Variants in SLC12A2 observed in about 807,000 individuals in gnomAD.
The protein encoded by SLC12A2 is solute carrier family 12 member 2, also known as Na-K-2Cl cotransporter 1.
SLC12A2 carries 67 observed loss-of-function variants against 136.3 expected under a neutral mutation model. The ratio of observed to expected loss-of-function variants is 0.49; its 90% CI spans 0.40 to 0.60. The LOEUF (loss-of-function observed/expected upper bound fraction) is 0.60. Ranked by LOEUF, SLC12A2 falls within the 20% of genes least tolerant of loss-of-function variation. The probability of loss-of-function intolerance (pLI) is 0.00; values close to 1 mark genes in which losing one functional copy is unlikely to be tolerated. For synonymous variants in SLC12A2, 619 were observed against 562.9 expected (o/e 1.10, Z -1.41); for missense variants, 1,322 against 1,534.7 (o/e 0.86, Z 2.32).
intron 1 of SLC12A2, among the ~76,000 whole-genome samples, chr5:128,085,650 T>A (rs1760074876): frequency 6.6e-6 from 1 of 152,248 alleles, no homozygotes; most frequent in African/African-American, 2.4e-5. Context: ...AAGTGTGTAA[T>A]GACTACATTG....
chr5:128,182,180 T>A (rs1229409450), intron 23 of SLC12A2, among the ~76,000 whole-genome samples: 1 of 152,162 alleles, frequency 6.6e-6, no homozygotes, highest in Non-Finnish European at 1.5e-5. Context: ...CTATAGCAGA[T>A]CTGTTTTCTC....
chr5:128,100,376 T>C (rs1235733174), intron 1 of SLC12A2, among the ~76,000 whole-genome samples: 1 of 152,138 alleles, frequency 6.6e-6, no homozygotes, highest in African/African-American at 2.4e-5. Context: ...TCTGAAATGC[T>C]CCAAAATCTA....
Position 128,084,127 on chromosome 5 carries a change from ATGAGGGCCCCGCGGCGGCCGGGGACGGGC to A in SLC12A2, c.176_204del (p.Glu59GlyfsTer62). 1 of 1,302,732 alleles carries A rather than the reference ATGAGGGCCCCGCGGCGGCCGGGGACGGGC, an allele frequency of 7.7e-7. No individual in the cohort carries two copies. Among genetic ancestry groups the A allele is most frequent in the Non-Finnish European group, 9.7e-7 (1 of 1,030,806 alleles). The allele number at this position is 1,302,732 out of a possible 1,614,324, so 80.7% of individuals were successfully genotyped here. A position where few individuals can be genotyped will look rare whatever the true frequency, so the allele number is the denominator to read the frequency against. ...AGCCGGGACGGCGGCGGGGTCCGCG[ATGAGGGCCCCGCGGCGGCCGGGGACGGGC>A]TGGGCAGACCCTTGGGGCCCACCCC... On this transcript the variant is annotated frameshift_variant, in exon 1 of 27. Transcript: ENST00000262461. LOFTEE classifies it high-confidence loss of function. This position sits in a 1 kb window ranked among gnomAD's most constrained non-coding sequence, Gnocchi z 5.6.
At chr5:128,182,440 A>G (rs936712390) in intron 23 of SLC12A2, among the ~76,000 whole-genome samples, 1 of 152,128 alleles carries the variant, frequency 6.6e-6, no homozygotes, top group African/African-American at 2.4e-5. Flanking sequence ...TATGGCCCAC[A>G]GGTCATATTT....
chr5:128,189,215 C>G lies in SLC12A2; in HGVS notation c.*2584C>G, dbSNP rs1240763149. ...TAGCTAGTGTTGAAGCTAAAAATAG[C>G]TTTATTTATGCTGAATTGTGATTTT... On this transcript the variant is annotated 3_prime_UTR_variant, in exon 27 of 27. Coordinates refer to ENST00000262461, the MANE Select transcript of SLC12A2 (RefSeq NM_001046.3). 1 of 152,026 alleles carries G rather than the reference C, an allele frequency of 6.6e-6. No individual in the cohort carries two copies. The highest frequency in any genetic ancestry group is 1.5e-5 in the Non-Finnish European group (1 of 67,990). The allele number at this position is 152,026 out of a possible 1,614,324, so 9.4% of individuals were successfully genotyped here.
intron 8 of SLC12A2, 47 bp from the exon 9 acceptor site, chr5:128,138,777 A>T: frequency 6.3e-7 from 1 of 1,599,118 alleles, no homozygotes; most frequent in Non-Finnish European, 8.5e-7. Flanking sequence ...TGGAATTTGT[A>T]TATTTATTTT....
chr5:128,181,241 C>T (rs544994320), intron 23 of SLC12A2, among the ~76,000 whole-genome samples: 41 of 152,162 alleles, frequency 2.7e-4, no homozygotes, highest in African/African-American at 9.6e-4. Flanking sequence ...TTCTTAAATA[C>T]TTGTAACATT....
chr5:128,167,729 A>G (rs1034375901), intron 17 of SLC12A2, 32 bp from the exon 18 acceptor site: 6 of 1,407,694 alleles, frequency 4.3e-6, no homozygotes, highest in Admixed American at 4.0e-5. Flanking sequence ...AAAATAATAT[A>G]TCTGTAAAGT....
At position 128,084,689 on chromosome 5, in the gene SLC12A2, G is replaced by A. The variant is rs775954539; in HGVS notation, c.735G>A (p.Glu245=). ...AGCTGCTCCGGCCTAGCCTGGCGGA[G>A]CTCCACGACGAGCTGGAAAAGGTGA... is the stretch of plus-strand genomic sequence containing the variant. ...GEKLLRPSLA[E]LHDELEKEPF... The change falls in exon 1 of 27, where the codon GAG becomes GAA. Residue 245 remains glutamate, a synonymous_variant. Coordinates refer to ENST00000262461, the MANE Select transcript of SLC12A2 (RefSeq NM_001046.3). This position sits in a 1 kb window ranked among gnomAD's most constrained non-coding sequence, Gnocchi z 5.6. The A allele has an allele frequency of 1.2e-6, 2 of 1,603,220 alleles. No homozygotes were observed. The highest frequency in any genetic ancestry group is 2.2e-5 in the East Asian group (1 of 44,466).
chr5:128,171,459 T>C (rs1354664509), intron 18 of SLC12A2, among the ~76,000 whole-genome samples: 3 of 152,150 alleles, frequency 2.0e-5, no homozygotes, highest in Non-Finnish European at 2.9e-5. Context: ...TAAAAAGTAG[T>C]TTTCAAGGGT....
intron 4 of SLC12A2, among the ~76,000 whole-genome samples, chr5:128,126,143 A>C (rs1761785509): frequency 6.6e-6 from 1 of 152,144 alleles, no homozygotes; most frequent in Admixed American, 6.6e-5. Context: ...TTTTCATATA[A>C]ATTTTTGACT....
At chr5:128,180,829 C>T in intron 22 of SLC12A2, 54 bp from the exon 23 acceptor site, 1 of 1,014,738 alleles carries the variant, frequency 9.9e-7, no homozygotes, top group Non-Finnish European at 1.5e-6. Flanking sequence ...AATTGATGTT[C>T]CTGATTAAGA....
chr5:128,131,923 A>G (rs1311065171), intron 5 of SLC12A2, among the ~76,000 whole-genome samples: 4 of 152,136 alleles, frequency 2.6e-5, no homozygotes, highest in Admixed American at 2.6e-4. Flanking sequence ...GGGAATTGCT[A>G]GAACTGGGGA....
chr5:128,087,936 A>G (rs1760159971), intron 1 of SLC12A2, among the ~76,000 whole-genome samples: 2 of 150,866 alleles, frequency 1.3e-5, no homozygotes, highest in South Asian at 4.2e-4. Flanking sequence ...AGAAGTTTGT[A>G]TTTGAGGCTA....
intron 22 of SLC12A2, among the ~76,000 whole-genome samples, chr5:128,180,071 A>G (rs1294089053): frequency 2.9e-5 from 4 of 137,270 alleles, no homozygotes; most frequent in African/African-American, 1.1e-4. Context: ...CCGGGTTCAC[A>G]CCATTCTCCT....
chr5:128,163,152 T>G (rs181682435), intron 17 of SLC12A2, among the ~76,000 whole-genome samples: 7 of 152,282 alleles, frequency 4.6e-5, no homozygotes, highest in Non-Finnish European at 7.4e-5. Flanking sequence ...CAAAATGTCC[T>G]GCAAATTTGG....
At chr5:128,183,814 C>T (rs752967517) in intron 24 of SLC12A2, among the ~76,000 whole-genome samples, 1 of 151,852 alleles carries the variant, frequency 6.6e-6, no homozygotes, top group Admixed American at 6.6e-5. Context: ...ATGTTAGCTA[C>T]TATGGTAAAA....
At chr5:128,109,828 C>G in intron 1 of SLC12A2, 2 of 791,392 alleles carry the variant, frequency 2.5e-6, no homozygotes. Context: ...GAGTTAAATT[C>G]CAAGGTCAAG....
At chr5:128,125,577 T>C (rs533417153) in intron 4 of SLC12A2, among the ~76,000 whole-genome samples, 25 of 152,310 alleles carry the variant, frequency 1.6e-4, no homozygotes, top group African/African-American at 6.0e-4. Flanking sequence ...ATATTGTGTG[T>C]ATTTGTTCTC....
Sources: gnomAD v4.1 joint callset for allele counts (sites outside exome capture counted in the v4.1 genomes callset) on GRCh38, gnomAD v4.1.1 for gene constraint, Gnocchi (gnomAD v3.1) non-coding constraint, MANE v1.5 for transcripts, NCBI Gene and HGNC (gene_info 2026-07-23, HGNC 2026-07-21) for gene names.